PRKG1: variants seen among roughly 807,000 people sequenced by gnomAD.
PRKG1 encodes the protein protein kinase cGMP-dependent 1, also known as cGMP-dependent protein kinase 1.
In PRKG1, 35 loss-of-function variants were observed where a neutral mutation model predicts 88.1. The ratio of observed to expected loss-of-function variants is 0.40; its 90% confidence interval spans 0.30 to 0.53. The LOEUF is 0.53. Among genes scored for constraint, PRKG1 ranks in the 20% least tolerant of loss-of-function variants. The pLI is 0.59. For synonymous variants in PRKG1, 303 were observed against 292.5 expected (o/e 1.04, Z -0.37); for missense variants, 540 against 839.8 (o/e 0.64, Z 4.41).
chr10:51,988,086 C>T (rs10740406), intron 5 of PRKG1, among the ~76,000 whole-genome samples: 85,665 of 151,660 alleles, frequency 0.56, 24,727 homozygotes, highest in East Asian at 0.75. Flanking sequence ...AGGTAACCAC[C>T]ATTCTAGCCA....
chr10:51,194,277 T>C (rs1305648387), intron 2 of PRKG1, among the ~76,000 whole-genome samples: 2 of 151,722 alleles, frequency 1.3e-5, no homozygotes, highest in Non-Finnish European at 2.9e-5. Context: ...CTGGGGTACA[T>C]GTGCTGAATG....
chr10:50,994,870 A>G (rs1007376613), intron 1 of PRKG1, among the ~76,000 whole-genome samples: 2 of 151,742 alleles, frequency 1.3e-5, no homozygotes, highest in African/African-American at 4.8e-5. Flanking sequence ...CTTTTCTTCT[A>G]AACAATACAG....
intron 3 of PRKG1, chr10:51,699,709 C>T: frequency 1.4e-6 from 1 of 708,430 alleles, no homozygotes; most frequent in Non-Finnish European, 2.3e-6. Context: ...CTGCATCCCA[C>T]TAACAACTTA....
chr10:50,995,961 C>A (rs537080310), intron 1 of PRKG1, among the ~76,000 whole-genome samples: 3 of 152,306 alleles, frequency 2.0e-5, no homozygotes, highest in Admixed American at 2.0e-4. Context: ...TGATCCAATT[C>A]ACATTTGATT....
chr10:52,283,831 T>C (rs1299032602), intron 14 of PRKG1, among the ~76,000 whole-genome samples: 2 of 152,172 alleles, frequency 1.3e-5, no homozygotes, highest in African/African-American at 4.8e-5. Flanking sequence ...CTAGTGTGCT[T>C]AGAATTGCTA....
intron 5 of PRKG1, among the ~76,000 whole-genome samples, chr10:52,023,061 A>G (rs1382201712): frequency 6.6e-6 from 1 of 151,878 alleles, no homozygotes; most frequent in Non-Finnish European, 1.5e-5. Context: ...TGCAATCCTG[A>G]CCCTAGCCCC....
intron 3 of PRKG1, among the ~76,000 whole-genome samples, chr10:51,726,809 C>G (rs1842142354): frequency 6.6e-6 from 1 of 152,160 alleles, no homozygotes. Flanking sequence ...TGGAGTCTCG[C>G]TCTGTCGCCC....
chr10:51,126,139 A>T (rs1412031701), intron 1 of PRKG1, among the ~76,000 whole-genome samples: 1 of 117,036 alleles, frequency 8.5e-6, no homozygotes, highest in Non-Finnish European at 1.6e-5. Context: ...TTTTATAATT[A>T]TATATATTAT....
At chr10:52,218,311 A>G (rs1371900630) in intron 9 of PRKG1, among the ~76,000 whole-genome samples, 4 of 151,540 alleles carry the variant, frequency 2.6e-5, no homozygotes, top group East Asian at 1.9e-4. Context: ...GCTGACATCC[A>G]TCAAAGGGGC....
chr10:51,786,189 GCTAAGAT>G (rs1838723260), intron 3 of PRKG1, among the ~76,000 whole-genome samples: 1 of 152,054 alleles, frequency 6.6e-6, no homozygotes. Flanking sequence ...TTAATTTTTG[GCTAAGAT>G]CTACTAAATT....
intron 5 of PRKG1, among the ~76,000 whole-genome samples, chr10:52,003,912 T>C (rs1844662804): frequency 6.6e-6 from 1 of 152,220 alleles, no homozygotes; most frequent in Admixed American, 6.5e-5. Context: ...CTCCTTAATC[T>C]AGTTACTTTG....
At chr10:51,612,349 C>T (rs1020260756) in intron 3 of PRKG1, among the ~76,000 whole-genome samples, 3 of 151,806 alleles carry the variant, frequency 2.0e-5, no homozygotes, top group African/African-American at 7.3e-5. Flanking sequence ...AGATCTTTCA[C>T]CTTGGTTAAA....
chr10:51,895,986 T>G (rs1841835772), intron 4 of PRKG1, among the ~76,000 whole-genome samples: 1 of 152,098 alleles, frequency 6.6e-6, no homozygotes, highest in Non-Finnish European at 1.5e-5. Flanking sequence ...GTGACATTGA[T>G]AGCAGGGAAG....
chr10:51,941,078 T>C (rs1439509387), intron 5 of PRKG1, among the ~76,000 whole-genome samples: 1 of 152,008 alleles, frequency 6.6e-6, no homozygotes, highest in Non-Finnish European at 1.5e-5. Context: ...CCATCCATTG[T>C]AAGATACATC....
chr10:51,074,749 C>T lies in PRKG1; in HGVS notation c.159C>T (p.Ile53=). The change falls in exon 1 of 18, where the codon ATC becomes ATT. Residue 53 remains isoleucine, a synonymous_variant. Coordinates refer to ENST00000373980, the MANE Select transcript of PRKG1 (RefSeq NM_006258.4). The part of the protein sequence containing the change: ...QNELDKYRSV[I]RPATQQAQKQ... ...AGCTGGACAAGTACCGCTCGGTGAT[C>T]CGACCAGCCACCCAGCAGGCGCAGA... 1 of 1,614,064 alleles carries T rather than the reference C, an allele frequency of 6.2e-7. No homozygotes were observed. The highest frequency in any genetic ancestry group is 8.5e-7 in the Non-Finnish European group (1 of 1,179,950).
chr10:51,996,819 G>A (rs1195498901), intron 5 of PRKG1, among the ~76,000 whole-genome samples: 2 of 152,084 alleles, frequency 1.3e-5, no homozygotes, highest in Non-Finnish European at 2.9e-5. Flanking sequence ...GTATTTCAAG[G>A]AGATATCTGC....
At chr10:52,120,424 T>G (rs1847793019) in intron 7 of PRKG1, among the ~76,000 whole-genome samples, 1 of 152,152 alleles carries the variant, frequency 6.6e-6, no homozygotes, top group Non-Finnish European at 1.5e-5. Context: ...CTCATCTGAA[T>G]CAGATATGGA....
chr10:51,511,117 A>C (rs1018036894), intron 3 of PRKG1, among the ~76,000 whole-genome samples: 6 of 152,156 alleles, frequency 3.9e-5, no homozygotes, highest in African/African-American at 1.4e-4. Flanking sequence ...ATGAGCTGAA[A>C]TATACTATTT....
At chr10:51,113,871 C>T (rs1004238658) in intron 1 of PRKG1, among the ~76,000 whole-genome samples, 1 of 151,818 alleles carries the variant, frequency 6.6e-6, no homozygotes, top group Non-Finnish European at 1.5e-5. Context: ...ATGAGCTTCA[C>T]ACTCAGAACA....
Sources: gnomAD v4.1 joint callset for allele counts (sites outside exome capture counted in the v4.1 genomes callset) on GRCh38, gnomAD v4.1.1 for gene constraint, MANE v1.5 for transcripts, NCBI Gene and HGNC (gene_info 2026-07-23, HGNC 2026-07-21) for gene names.